The following ABCA6 variants were observed in gnomAD, a reference collection of about 807,000 sequenced individuals.
ABCA6 encodes the protein ATP binding cassette subfamily A member 6, also known as ATP-binding cassette sub-family A member 6.
A neutral mutation model predicts 191.2 loss-of-function variants in ABCA6; 164 were observed. That is an observed-to-expected ratio of 0.86 (90% CI 0.76 to 0.98). The LOEUF (loss-of-function observed/expected upper bound fraction) is 0.98, where lower values mean the gene tolerates loss of function less well. ABCA6 is among the 50% of genes least tolerant of loss of function. The pLI is 0.00. For synonymous variants in ABCA6, 636 were observed against 647.7 expected (o/e 0.98, Z 0.27); for missense variants, 1,958 against 1,894.1 (o/e 1.03, Z -0.63).
chr17:69,136,880 G>A (rs2041170), intron 3 of ABCA6, among the ~76,000 whole-genome samples: 89,888 of 151,962 alleles, frequency 0.59, 27,973 homozygotes, highest in Admixed American at 0.7. Context: ...ATTCATTTCT[G>A]CTTTTCAAAG....
rs753737634 is a variant in ABCA6 at position 69,113,216 on chromosome 17, A to T, written c.2041+6T>A. 1 of 1,600,492 alleles carries T rather than the reference A, an allele frequency of 6.2e-7. No individual in the cohort carries two copies. ...ATGGTAACACTGAGATAAAACCAAC[A>T]ATTACCAGCCAGGATGTCAGCCTCA... is the stretch of plus-strand genomic sequence containing the variant. On this transcript the variant is annotated splice_donor_region_variant and intron_variant, in intron 15 of 38. Coordinates refer to ENST00000284425, the MANE Select transcript of ABCA6 (RefSeq NM_080284.3).
chr17:69,140,768 A>T lies in ABCA6; in HGVS notation c.-45-20T>A, dbSNP rs779881716. 3 of 1,107,408 alleles carry T rather than the reference A, an allele frequency of 2.7e-6. No individual in the cohort carries two copies. Among genetic ancestry groups the T allele is most frequent in the Non-Finnish European group, 3.8e-6 (3 of 794,774 alleles). 68.6% of individuals were successfully genotyped at this position (1,107,408 alleles called of 1,614,324 possible). ...CACAACCTAGAAAAAAATAAGTGTA[A>T]TAAGAAAAACCTTGATCATAGTGTT... is the stretch of plus-strand genomic sequence containing the variant. On this transcript the variant is annotated intron_variant, in intron 1 of 38. Coordinates refer to ENST00000284425, the MANE Select transcript of ABCA6 (RefSeq NM_080284.3).
chr17:69,084,233 C>T (rs1341697972), intron 34 of ABCA6, 28 bp downstream of exon 34: 18 of 1,605,960 alleles, frequency 1.1e-5, no homozygotes, highest in East Asian at 6.7e-5. Context: ...TGTGCATGCT[C>T]GCAGCTCTGG....
At position 69,090,512 on chromosome 17, in the gene ABCA6, T is replaced by C. The variant is rs147080979; in HGVS notation, c.3528+631A>G. 1.8e-4 allele frequency among the ~76,000 whole-genome samples: 28 copies of C among 152,344 alleles called. 1 individual carries two copies. In the East Asian group the frequency reaches 3.7e-3, roughly 20 times the overall value. On this transcript the variant is annotated intron_variant, in intron 26 of 38. Coordinates refer to ENST00000284425, the MANE Select transcript of ABCA6 (RefSeq NM_080284.3). The stretch of plus-strand genomic sequence containing the variant: ...TCCCCAGAAGAATTGTCTGACTCGC[T>C]AGAACACACCAGCTGTGCCTTGTGT...
chr17:69,123,365 G>T lies in ABCA6; in HGVS notation c.1310C>A (p.Ser437Ter). 6.5e-6 allele frequency: 10 copies of T among 1,539,034 alleles called. No homozygotes were observed. The highest frequency in any genetic ancestry group is 8.8e-6 in the Non-Finnish European group (10 of 1,135,034). ...RHYSPLFFLN[S>*]SSCFQHQRTN... Reference sequence around the variant, plus strand: ...CCTTTGGTGTTGGAAACAAGATGATGAATTCAAGAAAAATAAAGGAGAATA... The same window carrying T: ...CCTTTGGTGTTGGAAACAAGATGATTAATTCAAGAAAAATAAAGGAGAATA... The change falls in exon 10 of 39, where the codon TCA becomes TAA. Residue 437 changes from serine (S) to a stop codon, truncating the protein, a stop_gained. Coordinates refer to ENST00000284425, the MANE Select transcript of ABCA6 (RefSeq NM_080284.3). LOFTEE classifies it high-confidence loss of function.
intron 29 of ABCA6, among the ~76,000 whole-genome samples, chr17:69,087,040 C>T (rs767025245): frequency 1.4e-4 from 22 of 152,128 alleles, no homozygotes; most frequent in Non-Finnish European, 2.6e-4. Context: ...TCGCATTCTT[C>T]GACAAATCTA....
At chr17:69,135,995 C>T (rs536810697) in intron 4 of ABCA6, 97 bp downstream of exon 4, 1 of 1,157,108 alleles carries the variant, frequency 8.6e-7, no homozygotes, top group South Asian at 1.4e-5. Flanking sequence ...CCTGTTTTCT[C>T]ATGTGTCATT....
rs377306226 is a variant in ABCA6 at position 69,106,053 on chromosome 17, G to A, written c.2548C>T (p.Arg850Cys). 2.1e-5 allele frequency: 34 copies of A among 1,612,562 alleles called. No homozygotes were observed. In the Admixed American group the frequency reaches 4.0e-4, roughly 19 times the overall value. Reference protein sequence around the residue: ...MARLRFLKLKRQTKVLLTLLL... With the variant: ...MARLRFLKLKCQTKVLLTLLL... ...AGGGTCAATAACACTTTAGTTTGAC[G>A]TTTTAACTTTAAGAAACGGAGCCGT... is the stretch of plus-strand genomic sequence containing the variant. Residue 850 changes from arginine to cysteine, a missense_variant, in exon 19 of 39, where the codon CGT becomes TGT. By Grantham distance (180) the Arg-to-Cys change is radical. Transcript: ENST00000284425.
intron 6 of ABCA6, among the ~76,000 whole-genome samples, chr17:69,132,503 T>G (rs1026034745): frequency 2.6e-5 from 4 of 152,134 alleles, no homozygotes; most frequent in Non-Finnish European, 4.4e-5. Flanking sequence ...TTTGTTTTTA[T>G]GGAGTCTCAC....
Position 69,124,784 on chromosome 17 carries a change from T to C in ABCA6, c.1267+104A>G, listed in dbSNP as rs547220958. ...AAATAATGAACTTATTAGTTTGAAA[T>C]GGGAAATATTTAATATTCATTTTAA... On this transcript the variant is annotated intron_variant, in intron 9 of 38. Coordinates refer to ENST00000284425, the MANE Select transcript of ABCA6 (RefSeq NM_080284.3). The C allele has an allele frequency of 9.8e-6, 6 of 613,374 alleles. No homozygotes were observed. In the East Asian group the frequency reaches 2.1e-4, roughly 22 times the overall value. 38.0% of individuals were successfully genotyped at this position (613,374 alleles called of 1,614,324 possible). A position where few individuals can be genotyped will look rare whatever the true frequency, so the allele number is the denominator to read the frequency against.
chr17:69,085,639 G>T lies in ABCA6; in HGVS notation c.4015C>A (p.Pro1339Thr). 6.2e-7 allele frequency: 1 copy of T among 1,611,288 alleles called. No individual in the cohort carries two copies. The highest frequency in any genetic ancestry group is 2.2e-5 in the East Asian group (1 of 44,802). The change falls in exon 31 of 39, where the codon CCA becomes ACA. Residue 1339 changes from proline (P) to threonine (T), a missense_variant. Pro to Thr is a conservative substitution (Grantham distance 38). Coordinates refer to ENST00000284425, the MANE Select transcript of ABCA6 (RefSeq NM_080284.3). ...SIRMISGITK[P>T]TAGEVELKGC... ...TTCCTCACTACCTCTCCAGCAGTTGGCTTTGTGATCCCAGATATCATTCTA... is the reference window on the plus strand; with the variant it reads ...TTCCTCACTACCTCTCCAGCAGTTGTCTTTGTGATCCCAGATATCATTCTA...
chr17:69,139,265 C>T (rs1430572841), intron 2 of ABCA6, among the ~76,000 whole-genome samples: 1 of 152,036 alleles, frequency 6.6e-6, no homozygotes, highest in Non-Finnish European at 1.5e-5. Context: ...AAACAAACAG[C>T]CCCATCAAAA....
intron 27 of ABCA6, among the ~76,000 whole-genome samples, chr17:69,088,962 T>C (rs1775081852): frequency 6.6e-6 from 1 of 152,124 alleles, no homozygotes; most frequent in African/African-American, 2.4e-5. Context: ...ACACATATTA[T>C]CCATTTAGTT....
At chr17:69,088,350 T>TA in intron 27 of ABCA6, 92 bp from the exon 28 acceptor site, 2 of 985,446 alleles carry the variant, frequency 2.0e-6, no homozygotes, top group Non-Finnish European at 1.5e-6. Context: ...TGTCTTTGGG[T>TA]AAATAGTTGT....
chr17:69,084,332 C>T lies in ABCA6; in HGVS notation c.4284G>A (p.Leu1428=). 6.2e-7 allele frequency: 1 copy of T among 1,614,144 alleles called. No individual in the cohort carries two copies. The highest frequency in any genetic ancestry group is 1.3e-5 in the African/African-American group (1 of 75,016). ...CCAGGAGCAAGACAGGTGAGTTTCC[C>T]AGGAGGCTCAGCACAAAACACAACT... ...TRKLCFVLSL[L]GNSPVLLLDE... The change falls in exon 34 of 39, where the codon CTG becomes CTA. Residue 1428 remains leucine (L), a synonymous_variant. Coordinates refer to ENST00000284425, the MANE Select transcript of ABCA6 (RefSeq NM_080284.3).
Position 69,105,394 on chromosome 17 carries a change from C to G in ABCA6, c.2740+68G>C, listed in dbSNP as rs942097768. ...TTCTCTTATGATTCACTTCCCCCCCCCACCTCCTGTGCTATTCAACAATAA... is the reference window on the plus strand; with the variant it reads ...TTCTCTTATGATTCACTTCCCCCCCGCACCTCCTGTGCTATTCAACAATAA... On this transcript the variant is annotated intron_variant, in intron 20 of 38. Transcript: ENST00000284425. 8 of 1,421,574 alleles carry G rather than the reference C, an allele frequency of 5.6e-6. No homozygotes were observed. The African/African-American group carries it at 8.7e-5, about 16-fold the overall frequency. 88.1% of individuals were successfully genotyped at this position (1,421,574 alleles called of 1,614,324 possible).
intron 17 of ABCA6, chr17:69,109,926 A>G (rs1014426553): frequency 6.0e-5 from 9 of 150,988 alleles, no homozygotes; most frequent in Non-Finnish European, 1.2e-4. Context: ...CTCAACAAGG[A>G]AAAAAAAAAT....
At chr17:69,133,113 T>C (rs921357547) in intron 6 of ABCA6, among the ~76,000 whole-genome samples, 7 of 152,192 alleles carry the variant, frequency 4.6e-5, no homozygotes, top group African/African-American at 1.7e-4. Context: ...CCTAGGAATA[T>C]TATGTGGGCT....
At chr17:69,113,840 A>T (rs2073482449) in intron 13 of ABCA6, 103 bp from the exon 14 acceptor site, 2 of 941,168 alleles carry the variant, frequency 2.1e-6, no homozygotes, top group Non-Finnish European at 3.1e-6. Flanking sequence ...CCATCAGAGA[A>T]ATGCAAATCA....
Sources: allele counts gnomAD v4.1 joint callset (sites outside exome capture counted in the v4.1 genomes callset), GRCh38; gene constraint gnomAD v4.1.1; transcripts MANE v1.5; gene names NCBI Gene and HGNC (gene_info 2026-07-23, HGNC 2026-07-21).